Variants in VAV3 observed in about 807,000 individuals in gnomAD.
VAV3 encodes vav guanine nucleotide exchange factor 3.
In VAV3, 94 loss-of-function variants were observed where a neutral mutation model predicts 131.2. The ratio of observed to expected loss-of-function variants is 0.72; its 90% CI spans 0.61 to 0.85. The LOEUF is 0.85. Among genes scored for constraint, VAV3 ranks in the 40% least tolerant of loss-of-function variants. The pLI is 0.00. For synonymous variants in VAV3, 349 were observed against 342.0 expected (o/e 1.02, Z -0.22); for missense variants, 939 against 1,002.7 (o/e 0.94, Z 0.86).
intron 2 of VAV3, among the ~76,000 whole-genome samples, chr1:107,779,981 A>G (rs1257527248): frequency 6.6e-6 from 1 of 152,210 alleles, no homozygotes. Context: ...TGAACTACAC[A>G]GTTATCAAAA....
At chr1:107,614,913 A>C (rs1274381672) in intron 21 of VAV3, among the ~76,000 whole-genome samples, 1 of 152,108 alleles carries the variant, frequency 6.6e-6, no homozygotes, top group Non-Finnish European at 1.5e-5. Flanking sequence ...TTAGGTTCCC[A>C]AACTTCTTAA....
intron 20 of VAV3, among the ~76,000 whole-genome samples, chr1:107,618,405 A>C (rs1011002954): frequency 6.6e-6 from 1 of 152,214 alleles, no homozygotes; most frequent in Admixed American, 6.5e-5. Context: ...GTGAAAATAG[A>C]AAACAGTGAA....
intron 3 of VAV3, 22 bp downstream of exon 3, chr1:107,779,412 G>C (rs749445879): frequency 7.9e-5 from 124 of 1,566,936 alleles, no homozygotes; most frequent in Non-Finnish European, 1.0e-4. Context: ...TGGGACACAT[G>C]AACAACGAAA....
chr1:107,816,994 C>G (rs1667587327), intron 2 of VAV3, among the ~76,000 whole-genome samples: 1 of 152,170 alleles, frequency 6.6e-6, no homozygotes, highest in Admixed American at 6.5e-5. Context: ...TACCACACAC[C>G]CTCACACCAA....
rs371350571 is a variant in VAV3, at chr1:107,865,801, T to G, written c.321+9100A>C. ...AATTATCACACTGCCTCTCTAAAAG[T>G]GATAACTTGGCAGCTGATGCAAGGG... On this transcript the variant is annotated intron_variant, in intron 2 of 26. Coordinates refer to ENST00000370056, the MANE Select transcript of VAV3 (RefSeq NM_006113.5). Among the ~76,000 whole-genome samples the G allele has an allele frequency of 1.3e-4, 20 of 152,230 alleles. 1 individual carries two copies. The highest frequency in any genetic ancestry group is 4.8e-4 in the African/African-American group (20 of 41,560).
intron 15 of VAV3, among the ~76,000 whole-genome samples, chr1:107,721,390 C>T (rs17019773): frequency 0.1 from 15,887 of 152,116 alleles, 982 homozygotes; most frequent in East Asian, 0.25. Context: ...TTATCAAGGT[C>T]TAGGACTTCT....
At position 107,578,957 on chromosome 1, in the gene VAV3, A is replaced by G. The variant is rs1649844101; in HGVS notation, c.2351-4759T>C. 5.2e-6 allele frequency: 5 copies of G among 962,190 alleles called. No individual in the cohort carries two copies. In the South Asian group the frequency reaches 1.9e-4, roughly 37 times the overall value. The allele number at this position is 962,190 out of a possible 1,614,324, so 59.6% of individuals were successfully genotyped here. The stretch of plus-strand genomic sequence containing the variant: ...AAATTAAATAATTTCAACAATAGGT[A>G]GGTAAATTAGATAAGATAACCTATC... On this transcript the variant is annotated intron_variant, in intron 25 of 26. Coordinates refer to ENST00000370056, the MANE Select transcript of VAV3 (RefSeq NM_006113.5).
At chr1:107,595,501 A>G (rs534229073) in intron 25 of VAV3, among the ~76,000 whole-genome samples, 2 of 152,336 alleles carry the variant, frequency 1.3e-5, no homozygotes, top group South Asian at 2.1e-4. Context: ...TAAAAAAAAT[A>G]AAGTGATATC....
chr1:107,813,104 G>A (rs61797987), intron 2 of VAV3, among the ~76,000 whole-genome samples: 1 of 134,362 alleles, frequency 7.4e-6, no homozygotes, highest in Admixed American at 7.8e-5. Context: ...AAGCGACAGA[G>A]CCAGACTCCG....
At chr1:107,798,227 C>T (rs190982862) in intron 2 of VAV3, among the ~76,000 whole-genome samples, 6 of 152,260 alleles carry the variant, frequency 3.9e-5, no homozygotes, top group African/African-American at 1.4e-4. Context: ...ATTCTAATTT[C>T]AACATCCAAA....
At chr1:107,798,029 G>A (rs1666633153) in intron 2 of VAV3, among the ~76,000 whole-genome samples, 1 of 152,070 alleles carries the variant, frequency 6.6e-6, no homozygotes, top group Admixed American at 6.5e-5. Context: ...TAGTTTCAAA[G>A]TTTATTTACT....
chr1:107,720,364 C>T lies in VAV3; in HGVS notation c.1503-15303G>A, dbSNP rs192713411. 6.9e-3 allele frequency among the ~76,000 whole-genome samples: 971 copies of T among 141,158 alleles called. 11 individuals carry two copies. The highest frequency in any genetic ancestry group is 0.022 in the African/African-American group (832 of 37,522). 92.6% of individuals were successfully genotyped at this position (141,158 alleles called of 152,430 possible). A position where few individuals can be genotyped will look rare whatever the true frequency, so the allele number is the denominator to read the frequency against. ...TGCCACTGCACTCCAGCCTGGGCAA[C>T]AGAGTGAGACACTGTCTCAAAAATA... On this transcript the variant is annotated intron_variant, in intron 15 of 26. Coordinates refer to ENST00000370056, the MANE Select transcript of VAV3 (RefSeq NM_006113.5).
At chr1:107,928,043 C>G (rs948189828) in intron 1 of VAV3, among the ~76,000 whole-genome samples, 1 of 152,116 alleles carries the variant, frequency 6.6e-6, no homozygotes, top group Admixed American at 6.6e-5. Context: ...TCACTCCACC[C>G]CCAGCTCCAG....
rs189823062 is a variant in VAV3, at chr1:107,760,680, G to T, written c.1017+104C>A. The T allele has an allele frequency of 3.3e-3, 2,626 of 805,660 alleles. 12 individuals carry two copies. Among genetic ancestry groups the T allele is most frequent in the Admixed American group, 4.4e-3 (164 of 37,492 alleles). 49.9% of individuals were successfully genotyped at this position (805,660 alleles called of 1,614,324 possible). A position where few individuals can be genotyped will look rare whatever the true frequency, so the allele number is the denominator to read the frequency against. ...ATAATAATAATTCAAAATTTTAAGG[G>T]GATTGGGCCCAACACATGGAATATC... On this transcript the variant is annotated intron_variant, in intron 10 of 26. Transcript: ENST00000370056.
intron 2 of VAV3, among the ~76,000 whole-genome samples, chr1:107,809,252 A>G (rs911427988): frequency 3.3e-5 from 5 of 152,198 alleles, no homozygotes; most frequent in African/African-American, 1.2e-4. Context: ...TTGAGGTGGA[A>G]TCAGCACTAT....
intron 4 of VAV3, among the ~76,000 whole-genome samples, chr1:107,776,767 T>G (rs4147302): frequency 0.085 from 12,920 of 152,216 alleles, 815 homozygotes; most frequent in East Asian, 0.28. Flanking sequence ...AAGGACCTTT[T>G]GCCTCTCTTG....
At chr1:107,865,492 A>G (rs1571063833) in intron 2 of VAV3, among the ~76,000 whole-genome samples, 3 of 152,106 alleles carry the variant, frequency 2.0e-5, no homozygotes, top group African/African-American at 2.4e-5. Context: ...AAAGGAAACA[A>G]TATTAATCAA....
chr1:107,728,663 C>T (rs1662027545), intron 15 of VAV3, among the ~76,000 whole-genome samples: 2 of 96,748 alleles, frequency 2.1e-5, no homozygotes. Context: ...TGTGTAAAAC[C>T]GTGTCCCCAA....
Position 107,909,766 on chromosome 1 carries a change from G to C in VAV3, c.205-34749C>G, listed in dbSNP as rs17020332. 0.013 allele frequency among the ~76,000 whole-genome samples: 1,959 copies of C among 146,204 alleles called. 170 individuals carry two copies. The East Asian group carries it at 0.25, about 18-fold the overall frequency. ...TATCATAATGTAATGCAGGTATCCA[G>C]ACTCTGCCATGTATAGATGTTCTTT... On this transcript the variant is annotated intron_variant, in intron 1 of 26. Coordinates refer to ENST00000370056, the MANE Select transcript of VAV3 (RefSeq NM_006113.5).
Sources: allele counts gnomAD v4.1 joint callset (sites outside exome capture counted in the v4.1 genomes callset), GRCh38; gene constraint gnomAD v4.1.1; transcripts MANE v1.5; gene names NCBI Gene and HGNC (gene_info 2026-07-23, HGNC 2026-07-21).